CDKN2A: variants seen among roughly 807,000 people sequenced by gnomAD.
The protein encoded by CDKN2A is cyclin dependent kinase inhibitor 2A, also known as cyclin-dependent kinase inhibitor 2A.
A neutral mutation model predicts 11.1 loss-of-function variants in CDKN2A; 3 were observed. The ratio of observed to expected loss-of-function variants is 0.27; its 90% CI spans 0.12 to 0.70. The LOEUF (loss-of-function observed/expected upper bound fraction) is 0.70. Ranked by LOEUF, CDKN2A falls within the 30% of genes least tolerant of loss-of-function variation. CDKN2A has a pLI of 0.77. For missense variants in CDKN2A, 265 were observed against 233.6 expected (o/e 1.13, Z -0.88); for synonymous variants, 122 against 108.1 (o/e 1.13, Z -0.80).
intron 2 of CDKN2A, among the ~76,000 whole-genome samples, chr9:21,987,338 T>G (rs1382047718): frequency 6.6e-6 from 1 of 151,186 alleles, no homozygotes; most frequent in Non-Finnish European, 1.5e-5. Flanking sequence ...TAATTTTAGG[T>G]TGTCATGTTT....
chr9:21,974,872 C>T (rs1195481673), upstream of CDKN2A: 2 of 1,482,630 alleles, frequency 1.3e-6, no homozygotes, highest in Non-Finnish European at 1.8e-6. The surrounding 1 kb of genome is among the most constrained non-coding windows in gnomAD (Gnocchi z 5.2). Flanking sequence ...TCTCCGCAGC[C>T]GCCGAGCGCA....
intron 2 of CDKN2A, among the ~76,000 whole-genome samples, chr9:21,989,139 A>G (rs1020089409): frequency 2.0e-5 from 3 of 152,246 alleles, no homozygotes; most frequent in Non-Finnish European, 4.4e-5. Context: ...AATTGTAAAC[A>G]CATGTGGGTT....
chr9:21,973,355 T>C (rs1232607590), intron 1 of CDKN2A, among the ~76,000 whole-genome samples: 1 of 152,232 alleles, frequency 6.6e-6, no homozygotes, highest in Non-Finnish European at 1.5e-5. Flanking sequence ...AATGTTCCTA[T>C]ATTAAACACC....
chr9:21,968,386 G>T lies in CDKN2A; in HGVS notation c.458-144C>A. On this transcript the variant is annotated intron_variant, in intron 2 of 2. Transcript: ENST00000304494. The surrounding 1 kb of genome is among the most constrained non-coding windows in gnomAD (Gnocchi z 4.7). Reference sequence around the variant, plus strand: ...GCAATGGCTTCACGTGCATGTACCCGCCGCCACCGCTCTCCCACACCTCCC... The same window carrying T: ...GCAATGGCTTCACGTGCATGTACCCTCCGCCACCGCTCTCCCACACCTCCC... The T allele has an allele frequency of 4.6e-6, 7 of 1,509,870 alleles. No homozygotes were observed. Among genetic ancestry groups the T allele is most frequent in the East Asian group, 2.4e-5 (1 of 40,832 alleles). 93.5% of individuals were successfully genotyped at this position (1,509,870 alleles called of 1,614,324 possible). A position where few individuals can be genotyped will look rare whatever the true frequency, so the allele number is the denominator to read the frequency against.
chr9:21,975,221 G>C (rs577861697), upstream of CDKN2A: 25 of 1,031,338 alleles, frequency 2.4e-5, no homozygotes, highest in East Asian at 1.6e-4. Context: ...TCCCAGCCGC[G>C]CTCCCCCGCC....
chr9:21,968,787 T>C lies in CDKN2A; in HGVS notation c.458-545A>G. The stretch of plus-strand genomic sequence containing the variant: ...CCGATCATTTCTGAAACAAAATGGA[T>C]GCTCATTTATTCATGTGCTCTGGCT... On this transcript the variant is annotated intron_variant, in intron 2 of 2. Coordinates refer to ENST00000304494, the MANE Select transcript of CDKN2A (RefSeq NM_000077.5). This position sits in a 1 kb window ranked among gnomAD's most constrained non-coding sequence, Gnocchi z 4.7. 6.5e-7 allele frequency: 1 copy of C among 1,535,986 alleles called. No individual in the cohort carries two copies. The highest frequency in any genetic ancestry group is 8.7e-7 in the Non-Finnish European group (1 of 1,146,784).
At chr9:21,990,649 A>AGAGAGAGAGG (rs1396090431) in intron 2 of CDKN2A, among the ~76,000 whole-genome samples, 1 of 150,232 alleles carries the variant, frequency 6.7e-6, no homozygotes, top group Non-Finnish European at 1.5e-5. Context: ...AGAGAGAGAG[A>AGAGAGAGAGG]GAAACTGTTT....
At chr9:21,994,085 A>T in intron 1 of CDKN2A, 1 of 1,563,654 alleles carries the variant, frequency 6.4e-7, no homozygotes, top group Non-Finnish European at 8.7e-7. Context: ...ACGAAATCAC[A>T]CCAAACAAAA....
chr9:21,982,055 T>G (rs1385207415), intron 2 of CDKN2A, among the ~76,000 whole-genome samples: 1 of 152,206 alleles, frequency 6.6e-6, no homozygotes, highest in Admixed American at 6.5e-5. Flanking sequence ...ATTTAGTATT[T>G]GCTATAAGGA....
intron 2 of CDKN2A, among the ~76,000 whole-genome samples, chr9:21,984,865 T>G (rs917829970): frequency 1.2e-4 from 19 of 152,104 alleles, no homozygotes; most frequent in Middle Eastern, 3.4e-3. Context: ...ATGTTCAATT[T>G]TCTGTGTCCT....
chr9:21,972,156 C>T (rs548524833), intron 1 of CDKN2A, among the ~76,000 whole-genome samples: 1 of 152,258 alleles, frequency 6.6e-6, no homozygotes, highest in African/African-American at 2.4e-5. Flanking sequence ...CTCTCCAATT[C>T]CAAAACTTCA....
rs372422256 is a variant in CDKN2A at position 21,968,182 on chromosome 9, C to T, written c.*47G>A. ...TGTGGCCCTGTAGGACCTTCGGTGACTGATGATCTAAGTTTCCCGAGGTTT... is the reference window on the plus strand; with the variant it reads ...TGTGGCCCTGTAGGACCTTCGGTGATTGATGATCTAAGTTTCCCGAGGTTT... On this transcript the variant is annotated 3_prime_UTR_variant, in exon 3 of 3. Coordinates refer to ENST00000304494, the MANE Select transcript of CDKN2A (RefSeq NM_000077.5). The surrounding 1 kb of genome is among the most constrained non-coding windows in gnomAD (Gnocchi z 4.7). The T allele has an allele frequency of 2.5e-6, 4 of 1,586,678 alleles. No individual in the cohort carries two copies. In the African/African-American group the frequency reaches 4.0e-5, roughly 16 times the overall value.
intron 2 of CDKN2A, chr9:21,992,040 G>GT: frequency 1.0e-6 from 1 of 983,042 alleles, no homozygotes. Flanking sequence ...AATTTTTCAG[G>GT]TTTCTGTGGT....
At chr9:21,972,332 T>C (rs1587335117) in intron 1 of CDKN2A, among the ~76,000 whole-genome samples, 1 of 152,186 alleles carries the variant, frequency 6.6e-6, no homozygotes, top group Non-Finnish European at 1.5e-5. Flanking sequence ...TGTGATTTAA[T>C]TAATGGTCTT....
At chr9:21,990,611 T>TGAGAGAGAGAGAGAGAGGGAGA in intron 2 of CDKN2A, among the ~76,000 whole-genome samples, 1 of 89,676 alleles carries the variant, frequency 1.1e-5, no homozygotes, top group Non-Finnish European at 2.2e-5. Flanking sequence ...ACTAATTTGG[T>TGAGAGAGAGAGAGAGAGGGAGA]GAGAGAGAGA....
chr9:21,980,480 TTAAA>T (rs935227347), intron 2 of CDKN2A, among the ~76,000 whole-genome samples: 2 of 152,122 alleles, frequency 1.3e-5, no homozygotes, highest in Non-Finnish European at 2.9e-5. Context: ...TTCTAATGAA[TTAAA>T]TAAACATAAT....
intron 1 of CDKN2A, chr9:21,994,511 C>T: frequency 4.5e-6 from 6 of 1,331,138 alleles, no homozygotes; most frequent in Non-Finnish European, 5.9e-6. Context: ...CCCACCTTCA[C>T]CCCCACCCCC....
intron 1 of CDKN2A, among the ~76,000 whole-genome samples, chr9:21,972,904 G>A (rs1354117853): frequency 6.6e-6 from 1 of 152,028 alleles, no homozygotes; most frequent in Non-Finnish European, 1.5e-5. Context: ...CTTATTTTTA[G>A]GTACATTTCA....
intron 2 of CDKN2A, chr9:21,969,465 T>C (rs756464610): frequency 4.5e-5 from 15 of 334,644 alleles, no homozygotes; most frequent in Non-Finnish European, 6.5e-5. Context: ...ACAGGGCTGA[T>C]CACGCAGTAG....
Sources: allele counts gnomAD v4.1 joint callset (sites outside exome capture counted in the v4.1 genomes callset), GRCh38; gene constraint gnomAD v4.1.1; non-coding constraint Gnocchi (gnomAD v3.1); transcripts MANE v1.5; gene names NCBI Gene and HGNC (gene_info 2026-07-23, HGNC 2026-07-21).